The following LRIG2 variants were observed in gnomAD, a reference collection of about 807,000 sequenced individuals.
LRIG2 encodes the protein leucine-rich repeats and immunoglobulin-like domains protein 2.
Under a neutral mutation model 107.8 loss-of-function variants are expected in LRIG2, and 93 were observed. The ratio of observed to expected loss-of-function variants is 0.86; its 90% CI spans 0.73 to 1.03. The LOEUF is 1.03. Among genes scored for constraint, LRIG2 ranks in the 50% least tolerant of loss-of-function variants. The pLI, the probability that LRIG2 is intolerant of heterozygous loss-of-function variation, is 0.00. For synonymous variants in LRIG2, 471 were observed against 470.6 expected, an observed-to-expected ratio of 1.00 and a Z score of -0.01; for missense variants, 1,226 against 1,296.0, an observed-to-expected ratio of 0.95 and a Z score of 0.83.
chr1:113,119,283 A>G lies in LRIG2; in HGVS notation c.2731A>G (p.Ile911Val), dbSNP rs772464687. The G allele has an allele frequency of 1.9e-6, 3 of 1,614,020 alleles. No individual in the cohort carries two copies. The highest frequency in any genetic ancestry group is 1.7e-6 in the Non-Finnish European group (2 of 1,180,020). The part of the protein sequence containing the change: ...ICSDCYDNAN[I>V]YSRTREYCPY... ...CTCAGATTGTTATGACAATGCCAAC[A>G]TCTACTCCAGGACCCGAGAATACTG... Residue 911 changes from isoleucine to valine, a missense_variant, in exon 17 of 18, where the codon ATC becomes GTC. Physicochemically the swap from Ile to Val is conservative, Grantham distance 29. Around this residue, in one of 3 missense-constraint regions of LRIG2, gnomAD observed 642 missense variants for 712.2 expected, o/e 0.90. Coordinates refer to ENST00000361127, the MANE Select transcript of LRIG2 (RefSeq NM_014813.3).
intron 12 of LRIG2, among the ~76,000 whole-genome samples, chr1:113,109,820 T>C (rs1654695611): frequency 6.6e-6 from 1 of 152,172 alleles, no homozygotes; most frequent in South Asian, 2.1e-4. Flanking sequence ...TGCCTGGCCA[T>C]ATACATGTTT....
At chr1:113,108,836 A>G (rs921123365) in intron 12 of LRIG2, among the ~76,000 whole-genome samples, 7 of 152,140 alleles carry the variant, frequency 4.6e-5, no homozygotes, top group Non-Finnish European at 1.0e-4. Context: ...AGATTGTGCC[A>G]CTGCATTCCA....
Position 113,094,757 on chromosome 1 carries a change from T to A in LRIG2, c.803+2T>A, listed in dbSNP as rs2101036422. 6.2e-7 allele frequency: 1 copy of A among 1,613,422 alleles called. No homozygotes were observed. Among genetic ancestry groups the A allele is most frequent in the South Asian group, 1.1e-5 (1 of 91,040 alleles). ...TGGCTTGAATAACATGGAAGAACTG[T>A]AAGTACTCGGGACTAGAGGTGATTA... On this transcript the variant is annotated splice_donor_variant, in intron 6 of 17. Coordinates refer to ENST00000361127, the MANE Select transcript of LRIG2 (RefSeq NM_014813.3). LOFTEE classifies it high-confidence loss of function.
At chr1:113,084,359 G>T (rs1161997182) in intron 1 of LRIG2, among the ~76,000 whole-genome samples, 3 of 151,648 alleles carry the variant, frequency 2.0e-5, no homozygotes, top group African/African-American at 7.3e-5. Context: ...GGGACTACAG[G>T]CACCCGCCAC....
rs780883998 is a variant in LRIG2 at position 113,112,520 on chromosome 1, C to T, written c.1840C>T (p.Arg614Cys). Residue 614 changes from arginine (R) to cysteine (C), a missense_variant, in exon 14 of 18, where the codon CGC (arginine) becomes TGC (cysteine). By Grantham distance (180) the Arg-to-Cys change is radical (BLOSUM62 -3). This residue lies in a region of LRIG2 where 642 missense variants were observed against 712.2 expected (regional missense o/e 0.90). Transcript: ENST00000361127. ...FLKTPMDLTI[R>C]TGAMARLECA... Reference sequence around the variant, plus strand: ...GAAAACGCCAATGGATCTGACTATTCGCACTGGTGCCATGGCCAGATTAGA... The same window carrying T: ...GAAAACGCCAATGGATCTGACTATTTGCACTGGTGCCATGGCCAGATTAGA... 17 of 1,613,196 alleles carry T rather than the reference C, an allele frequency of 1.1e-5. No homozygotes were observed. Among genetic ancestry groups the T allele is most frequent in the Admixed American group, 3.3e-5 (2 of 59,984 alleles).
At chr1:113,099,826 G>C (rs1040725898) in intron 9 of LRIG2, among the ~76,000 whole-genome samples, 6 of 152,146 alleles carry the variant, frequency 3.9e-5, no homozygotes, top group African/African-American at 1.4e-4. Flanking sequence ...GTTCACACTT[G>C]TCTGAATTTC....
rs927853047 is a variant in LRIG2, at chr1:113,124,127, C to G, written c.*26C>G. ...AACTCACTTCAGGATGAAATCTGGG[C>G]AGAGACTTATTAATTAATTTTGCAT... is the stretch of plus-strand genomic sequence containing the variant. On this transcript the variant is annotated 3_prime_UTR_variant, in exon 18 of 18. Transcript: ENST00000361127. The G allele has an allele frequency of 6.3e-7, 1 of 1,593,290 alleles. No homozygotes were observed. The highest frequency in any genetic ancestry group is 8.6e-7 in the Non-Finnish European group (1 of 1,161,708).
intron 1 of LRIG2, among the ~76,000 whole-genome samples, chr1:113,082,289 A>G (rs115505375): frequency 1.3e-3 from 195 of 152,338 alleles, no homozygotes; most frequent in African/African-American, 4.4e-3. Context: ...TATCTGAACA[A>G]GAAAATCTGC....
At chr1:113,100,598 C>A in intron 11 of LRIG2, 110 bp downstream of exon 11, 2 of 625,918 alleles carry the variant, frequency 3.2e-6, no homozygotes, top group Non-Finnish European at 2.8e-6. Context: ...ACAGTTCAGG[C>A]AGGAAAAAAG....
In LRIG2 at chr1:113,124,202, T is replaced by C; in HGVS notation, c.*101T>C. ...ACTCCGAAGTCAGCATTTGCTTTAC[T>C]CTTTCTTTATGATTGCATCTGACCG... On this transcript the variant is annotated 3_prime_UTR_variant, in exon 18 of 18. Transcript: ENST00000361127. 9.8e-7 allele frequency: 1 copy of C among 1,023,296 alleles called. No individual in the cohort carries two copies. The highest frequency in any genetic ancestry group is 1.5e-6 in the Non-Finnish European group (1 of 687,002). The allele number at this position is 1,023,296 out of a possible 1,614,324, so 63.4% of individuals were successfully genotyped here. A position where few individuals can be genotyped will look rare whatever the true frequency, so the allele number is the denominator to read the frequency against.
At chr1:113,106,056 C>T (rs984168166) in intron 11 of LRIG2, among the ~76,000 whole-genome samples, 7 of 151,958 alleles carry the variant, frequency 4.6e-5, no homozygotes, top group Non-Finnish European at 7.4e-5. Flanking sequence ...GGTGAAACCC[C>T]GTCTCTACTA....
intron 1 of LRIG2, among the ~76,000 whole-genome samples, chr1:113,083,507 G>A (rs772728937): frequency 6.6e-6 from 1 of 151,214 alleles, no homozygotes; most frequent in Non-Finnish European, 1.5e-5. Flanking sequence ...CACCACACCC[G>A]GCTAATTTTT....
Position 113,110,376 on chromosome 1 carries a change from G to A in LRIG2, c.1612G>A (p.Glu538Lys), listed in dbSNP as rs758692871. 5 of 1,614,198 alleles carry A rather than the reference G, an allele frequency of 3.1e-6. No homozygotes were observed. Among genetic ancestry groups the A allele is most frequent in the Non-Finnish European group, 4.2e-6 (5 of 1,180,042 alleles). Reference protein sequence around the residue: ...PMSTVWRKDSEILYDVDTENF... With the variant: ...PMSTVWRKDSKILYDVDTENF... Reference sequence around the variant, plus strand: ...GTCCACTGTGTGGCGCAAAGACAGTGAAATCCTGTATGACGTGGATACTGA... The same window carrying A: ...GTCCACTGTGTGGCGCAAAGACAGTAAAATCCTGTATGACGTGGATACTGA... Residue 538 changes from glutamate to lysine, a missense_variant, in exon 13 of 18, where the codon GAA becomes AAA. Coordinates refer to ENST00000361127, the MANE Select transcript of LRIG2 (RefSeq NM_014813.3).
chr1:113,074,704 C>T (rs952327227), intron 1 of LRIG2, among the ~76,000 whole-genome samples: 5 of 148,720 alleles, frequency 3.4e-5, no homozygotes, highest in East Asian at 4.0e-4. Context: ...GTCAAGAGAT[C>T]GAGACCATCC....
Position 113,124,083 on chromosome 1 carries a change from TG to T in LRIG2, c.3182del (p.Gly1061ValfsTer20), listed in dbSNP as rs1655385823. 6.2e-7 allele frequency: 1 copy of T among 1,614,046 alleles called. No individual in the cohort carries two copies. The highest frequency in any genetic ancestry group is 8.5e-7 in the Non-Finnish European group (1 of 1,180,014). ...DFSRTRNIQD[G>X]SEGT ...TTAGTAGGACTCGGAACATTCAAGA[TG>T]GTAGTGAGGGCACATGAAACTCACT... On this transcript the variant is annotated frameshift_variant, in exon 18 of 18. Transcript: ENST00000361127. LOFTEE classifies it high-confidence loss of function.
chr1:113,097,006 G>A (rs915652152), intron 8 of LRIG2, among the ~76,000 whole-genome samples: 1 of 151,984 alleles, frequency 6.6e-6, no homozygotes, highest in African/African-American at 2.4e-5. Flanking sequence ...ACCAACAGAA[G>A]AACAAAATCA....
intron 1 of LRIG2, among the ~76,000 whole-genome samples, chr1:113,080,081 C>T (rs1159006064): frequency 7.4e-6 from 1 of 136,052 alleles, no homozygotes; most frequent in Non-Finnish European, 1.5e-5. Context: ...AGTGCAGTGG[C>T]ACAATCTCGG....
chr1:113,080,836 G>GTTTTTTT (rs1007236694), intron 1 of LRIG2, among the ~76,000 whole-genome samples: 8 of 84,596 alleles, frequency 9.5e-5, no homozygotes, highest in African/African-American at 2.0e-4. Context: ...AACACTAAAA[G>GTTTTTTT]TTTTTTTTTT....
At chr1:113,101,254 A>C (rs1654296460) in intron 11 of LRIG2, among the ~76,000 whole-genome samples, 1 of 152,104 alleles carries the variant, frequency 6.6e-6, no homozygotes, top group South Asian at 2.1e-4. Flanking sequence ...TTTTTAGTAG[A>C]GACAGGGTTT....
Sources: allele counts gnomAD v4.1 joint callset (sites outside exome capture counted in the v4.1 genomes callset), GRCh38; gene constraint gnomAD v4.1.1; regional missense constraint gnomAD v4.1.1; transcripts MANE v1.5; gene names NCBI Gene and HGNC (gene_info 2026-07-23, HGNC 2026-07-21).